The following BABAM2 variants were observed in gnomAD, a reference collection of about 807,000 sequenced individuals.
BABAM2 encodes BRISC and BRCA1-A complex member 2.
Under a neutral mutation model 54.7 loss-of-function variants are expected in BABAM2, and 31 were observed. That is an observed-to-expected ratio of 0.57 (90% CI 0.43 to 0.77). The LOEUF (loss-of-function observed/expected upper bound fraction) is 0.77. Ranked by LOEUF, BABAM2 falls within the 30% of genes least tolerant of loss-of-function variation. The pLI is 0.00. For missense variants in BABAM2, 364 were observed against 455.8 expected, an observed-to-expected ratio of 0.80 and a Z score of 1.83; for synonymous variants, 167 against 162.9, an observed-to-expected ratio of 1.03 and a Z score of -0.19.
At chr2:27,933,123 G>T (rs1225725732) in intron 3 of BABAM2, among the ~76,000 whole-genome samples, 1 of 152,180 alleles carries the variant, frequency 6.6e-6, no homozygotes, top group East Asian at 1.9e-4. Context: ...AGCATTTGCT[G>T]TTACCCTATA....
intron 6 of BABAM2, among the ~76,000 whole-genome samples, chr2:28,099,280 A>G (rs1666869749): frequency 6.6e-6 from 1 of 152,126 alleles, no homozygotes; most frequent in South Asian, 2.1e-4. Context: ...TGCAATTGGT[A>G]TGCAGACAGA....
chr2:28,126,174 G>C (rs1273743743), intron 6 of BABAM2, among the ~76,000 whole-genome samples: 1 of 151,102 alleles, frequency 6.6e-6, no homozygotes, highest in Non-Finnish European at 1.5e-5. Context: ...TTAAGTTTTA[G>C]GGTACATGTG....
intron 11 of BABAM2, among the ~76,000 whole-genome samples, chr2:28,326,791 A>G (rs75534681): frequency 0.023 from 3,531 of 152,284 alleles, 127 homozygotes; most frequent in African/African-American, 0.069. Context: ...TCTGCCCTCT[A>G]GGCACTTACA....
At chr2:27,970,501 T>G (rs1436788423) in intron 3 of BABAM2, among the ~76,000 whole-genome samples, 1 of 152,202 alleles carries the variant, frequency 6.6e-6, no homozygotes, top group African/African-American at 2.4e-5. Flanking sequence ...TATCTATCTC[T>G]AAATCTTTGA....
chr2:28,128,863 A>G (rs1408450401), intron 6 of BABAM2, among the ~76,000 whole-genome samples: 2 of 151,034 alleles, frequency 1.3e-5, no homozygotes, highest in African/African-American at 4.9e-5. Context: ...AGCTTACAAC[A>G]TACTGTCAAG....
intron 3 of BABAM2, among the ~76,000 whole-genome samples, chr2:27,943,897 C>T (rs1669105248): frequency 1.3e-5 from 2 of 152,114 alleles, no homozygotes; most frequent in African/African-American, 2.4e-5. Flanking sequence ...CTGGATTAGA[C>T]ATTCTCTCTC....
chr2:28,174,809 A>G (rs1454212160), intron 7 of BABAM2, among the ~76,000 whole-genome samples: 2 of 152,104 alleles, frequency 1.3e-5, no homozygotes, highest in African/African-American at 4.8e-5. Context: ...AGCCCTCACC[A>G]GACAGCATCC....
chr2:28,076,481 T>TTTAGTTAG (rs148940632), intron 6 of BABAM2, among the ~76,000 whole-genome samples: 160 of 146,528 alleles, frequency 1.1e-3, no homozygotes, highest in South Asian at 2.8e-3. Flanking sequence ...TATTTATTTA[T>TTTAGTTAG]TTAGTTAGTT....
At chr2:28,015,513 G>A (rs1010722048) in intron 4 of BABAM2, among the ~76,000 whole-genome samples, 7 of 152,044 alleles carry the variant, frequency 4.6e-5, no homozygotes, top group African/African-American at 1.2e-4. Flanking sequence ...CAACTGCAGT[G>A]TATTATCTAC....
At chr2:28,142,749 C>T (rs532687687) in intron 7 of BABAM2, among the ~76,000 whole-genome samples, 1 of 152,146 alleles carries the variant, frequency 6.6e-6, no homozygotes, top group South Asian at 2.1e-4. Flanking sequence ...CAGAGTTTAG[C>T]ACAACCAATT....
rs201808344 is a variant in BABAM2 at position 27,929,805 on chromosome 2, T to C, written c.129-27T>C. Reference sequence around the variant, plus strand: ...AAGTTTGTTTTTAAAAAATCTTTTCTTTCTTCTGTTTCTGCATTTTTTAAA... The same window carrying C: ...AAGTTTGTTTTTAAAAAATCTTTTCCTTCTTCTGTTTCTGCATTTTTTAAA... On this transcript the variant is annotated intron_variant, in intron 2 of 11. Coordinates refer to ENST00000379624, the MANE Select transcript of BABAM2 (RefSeq NM_199191.3). The C allele has an allele frequency of 2.2e-5, 35 of 1,601,778 alleles. No individual in the cohort carries two copies. The African/African-American group carries it at 4.7e-4, about 21-fold the overall frequency.
Position 27,894,626 on chromosome 2 carries a change from A to T in BABAM2, c.70A>T (p.Asn24Tyr). The change falls in exon 2 of 12, where the codon AAT becomes TAT. Residue 24 changes from asparagine to tyrosine, a missense_variant. Coordinates refer to ENST00000379624, the MANE Select transcript of BABAM2 (RefSeq NM_199191.3). ...LSPFISSVVR[N>Y]GKVGLDATNC... Reference sequence around the variant, plus strand: ...CCCTTTCATATCTAGCGTGGTCCGGAATGGAAAAGTGGGACTGGATGCTAC... The same window carrying T: ...CCCTTTCATATCTAGCGTGGTCCGGTATGGAAAAGTGGGACTGGATGCTAC... 1 of 1,614,190 alleles carries T rather than the reference A, an allele frequency of 6.2e-7. No individual in the cohort carries two copies. The highest frequency in any genetic ancestry group is 8.5e-7 in the Non-Finnish European group (1 of 1,180,008).
intron 2 of BABAM2, among the ~76,000 whole-genome samples, chr2:27,913,957 A>G (rs1187751563): frequency 6.6e-6 from 1 of 152,224 alleles, no homozygotes; most frequent in East Asian, 1.9e-4. Context: ...TGTTACAAGA[A>G]AATATCATTT....
chr2:28,302,444 T>C (rs1305256841), intron 11 of BABAM2, among the ~76,000 whole-genome samples: 1 of 151,932 alleles, frequency 6.6e-6, no homozygotes, highest in Non-Finnish European at 1.5e-5. Context: ...GTATCTGTTA[T>C]GGCATTTCTT....
chr2:27,966,329 T>A (rs773679880), intron 3 of BABAM2, among the ~76,000 whole-genome samples: 4 of 152,238 alleles, frequency 2.6e-5, no homozygotes, highest in Non-Finnish European at 4.4e-5. Context: ...TTTCTTTTTC[T>A]TTATTTTCCA....
chr2:28,321,952 A>T (rs1394583274), intron 11 of BABAM2, among the ~76,000 whole-genome samples: 1 of 152,066 alleles, frequency 6.6e-6, no homozygotes, highest in Non-Finnish European at 1.5e-5. Context: ...TAAAAAAAAA[A>T]AAAACTAGAT....
intron 5 of BABAM2, among the ~76,000 whole-genome samples, chr2:28,042,035 A>G (rs2148603344): frequency 6.6e-6 from 1 of 152,298 alleles, no homozygotes; most frequent in African/African-American, 2.4e-5. Flanking sequence ...AGGGAGACTC[A>G]GGATATATTT....
At chr2:28,271,806 A>G (rs529312521) in intron 10 of BABAM2, among the ~76,000 whole-genome samples, 2 of 152,338 alleles carry the variant, frequency 1.3e-5, no homozygotes, top group Admixed American at 1.3e-4. Context: ...TTTCAGTTTC[A>G]TTTTATGTAT....
chr2:28,013,972 T>C (rs1481439122), intron 4 of BABAM2, among the ~76,000 whole-genome samples: 2 of 152,134 alleles, frequency 1.3e-5, no homozygotes, highest in Non-Finnish European at 1.5e-5. Context: ...ACTCCAAGCA[T>C]GAGCTGCATA....
Sources: allele counts gnomAD v4.1 joint callset (sites outside exome capture counted in the v4.1 genomes callset), GRCh38; gene constraint gnomAD v4.1.1; transcripts MANE v1.5; gene names NCBI Gene and HGNC (gene_info 2026-07-23, HGNC 2026-07-21).